The following SDK1 variants were observed in gnomAD, a reference collection of about 807,000 sequenced individuals.
SDK1 encodes the protein sidekick cell adhesion molecule 1.
Under a neutral mutation model 245.5 loss-of-function variants are expected in SDK1, and 157 were observed. The observed-to-expected ratio is 0.64, with a 90% CI of 0.56 to 0.73. The LOEUF (loss-of-function observed/expected upper bound fraction) is 0.73, where lower values mean the gene tolerates loss of function less well. Among genes scored for constraint, SDK1 ranks in the 30% least tolerant of loss-of-function variants. The probability of loss-of-function intolerance (pLI) is 0.00; values close to 1 mark genes in which losing one functional copy is unlikely to be tolerated. For synonymous variants in SDK1, 1,647 were observed against 1,278.5 expected (o/e 1.29, Z -6.15); for missense variants, 3,583 against 3,002.3 (o/e 1.19, Z -4.52).
intron 22 of SDK1, among the ~76,000 whole-genome samples, chr7:4,080,058 C>T: frequency 6.6e-6 from 1 of 152,134 alleles, no homozygotes. Flanking sequence ...TGAGTTTCTG[C>T]TGTCGAGGAG....
intron 19 of SDK1, among the ~76,000 whole-genome samples, chr7:4,060,331 AC>A (rs1459812552): frequency 6.6e-6 from 1 of 152,230 alleles, no homozygotes. Flanking sequence ...TCAAGGACAA[AC>A]CAAACCCAAA....
At chr7:4,082,928 C>A (rs767033460) in intron 22 of SDK1, among the ~76,000 whole-genome samples, 9 of 152,112 alleles carry the variant, frequency 5.9e-5, no homozygotes, top group African/African-American at 1.2e-4. Flanking sequence ...GCAATTTGAA[C>A]ATTTTAATAT....
chr7:4,237,758 A>G lies in SDK1; in HGVS notation c.6104A>G (p.Asn2035Ser), dbSNP rs773652300. 8 of 1,614,150 alleles carry G rather than the reference A, an allele frequency of 5.0e-6. No homozygotes were observed. The Admixed American group carries it at 8.3e-5, about 17-fold the overall frequency. The stretch of plus-strand genomic sequence containing the variant: ...TTCGCCCTCGTCCTGCACGGGCAGA[A>G]TAAGAAGTATAAGAACTGCAGCACA... ...VVFALVLHGQ[N>S]KKYKNCSTGK... Residue 2035 changes from asparagine to serine, a missense_variant, in exon 42 of 45, where the codon AAT becomes AGT. Transcript: ENST00000404826.
intron 28 of SDK1, 30 bp from the exon 29 acceptor site, chr7:4,145,692 G>A: frequency 6.4e-7 from 1 of 1,574,144 alleles, no homozygotes; most frequent in Admixed American, 1.8e-5. Flanking sequence ...GACTGGCTCA[G>A]CAGCTGTCTC....
intron 28 of SDK1, among the ~76,000 whole-genome samples, chr7:4,145,170 G>T (rs1779874574): frequency 6.6e-6 from 1 of 152,190 alleles, no homozygotes; most frequent in Non-Finnish European, 1.5e-5. Flanking sequence ...GGGAGGGGTG[G>T]GGCCAAAGAA....
intron 4 of SDK1, among the ~76,000 whole-genome samples, chr7:3,786,039 G>C (rs544058093): frequency 1.1e-4 from 16 of 152,288 alleles, no homozygotes; most frequent in Non-Finnish European, 1.9e-4. Context: ...TAACACAAAT[G>C]TGGTCTCTTT....
At position 4,020,437 on chromosome 7, in the gene SDK1, C is replaced by T. The variant is rs559537096; in HGVS notation, c.2602+3085C>T. Among the ~76,000 whole-genome samples the T allele has an allele frequency of 3.3e-5, 5 of 152,314 alleles. No homozygotes were observed. The South Asian group carries it at 8.3e-4, about 25-fold the overall frequency. On this transcript the variant is annotated intron_variant, in intron 17 of 44. Coordinates refer to ENST00000404826, the MANE Select transcript of SDK1 (RefSeq NM_152744.4). ...GCGTATGAATTCTGTCCTGAATCCACGTTCCCCTCTGTGACAGTACATTGC... is the reference window on the plus strand; with the variant it reads ...GCGTATGAATTCTGTCCTGAATCCATGTTCCCCTCTGTGACAGTACATTGC...
chr7:3,810,287 A>G (rs1001594679), intron 4 of SDK1, among the ~76,000 whole-genome samples: 2 of 152,068 alleles, frequency 1.3e-5, no homozygotes, highest in Admixed American at 6.5e-5. Context: ...CTGTTTAAGG[A>G]TCTAAAGACT....
chr7:4,011,289 A>G (rs899639249), intron 15 of SDK1, among the ~76,000 whole-genome samples, 176 bp downstream of exon 15: 4 of 152,244 alleles, frequency 2.6e-5, no homozygotes, highest in Admixed American at 1.3e-4. Context: ...AGGCCCACGC[A>G]GACTTAGCTG....
At chr7:4,015,364 A>G (rs537597597) in intron 16 of SDK1, among the ~76,000 whole-genome samples, 5 of 152,330 alleles carry the variant, frequency 3.3e-5, no homozygotes, top group African/African-American at 1.2e-4. Flanking sequence ...TAGTGATTAC[A>G]GATGGTGCTT....
intron 29 of SDK1, 62 bp from the exon 30 acceptor site, chr7:4,149,200 G>T: frequency 7.3e-7 from 1 of 1,361,776 alleles, no homozygotes; most frequent in Non-Finnish European, 9.7e-7. Context: ...TAGCCTCCTG[G>T]GGATGTTCCT....
At chr7:3,368,486 A>G (rs1781145245) in intron 1 of SDK1, among the ~76,000 whole-genome samples, 1 of 152,128 alleles carries the variant, frequency 6.6e-6, no homozygotes, top group Admixed American at 6.5e-5. Context: ...ATCAGTATGG[A>G]GTAGGGGGAT....
At chr7:3,744,393 G>T (rs1438967914) in intron 4 of SDK1, among the ~76,000 whole-genome samples, 1 of 151,914 alleles carries the variant, frequency 6.6e-6, no homozygotes, top group African/African-American at 2.4e-5. Context: ...ATCATTTTGG[G>T]CACAGACTTC....
At chr7:3,581,280 G>T (rs1780479394) in intron 1 of SDK1, among the ~76,000 whole-genome samples, 1 of 152,164 alleles carries the variant, frequency 6.6e-6, no homozygotes, top group Non-Finnish European at 1.5e-5. Flanking sequence ...AATCGAATAT[G>T]ATAAATCAGT....
intron 4 of SDK1, among the ~76,000 whole-genome samples, chr7:3,814,816 A>G (rs1180609873): frequency 6.6e-6 from 1 of 150,644 alleles, no homozygotes; most frequent in African/African-American, 2.4e-5. Flanking sequence ...TTCTCCTTGA[A>G]GAGGTCCTTC....
At chr7:3,562,786 G>A (rs146891071) in intron 1 of SDK1, among the ~76,000 whole-genome samples, 55 of 152,192 alleles carry the variant, frequency 3.6e-4, no homozygotes, top group African/African-American at 8.7e-4. Context: ...TCACTCACAC[G>A]TGAGGATATA....
chr7:3,442,809 T>A (rs1353329245), intron 1 of SDK1, among the ~76,000 whole-genome samples: 2 of 152,246 alleles, frequency 1.3e-5, no homozygotes, highest in African/African-American at 4.8e-5. Context: ...AAATGTAAAC[T>A]GTTGAGTGAA....
intron 1 of SDK1, among the ~76,000 whole-genome samples, chr7:3,501,707 C>T (rs765139416): frequency 1.1e-4 from 16 of 152,068 alleles, no homozygotes; most frequent in Non-Finnish European, 1.5e-5. Context: ...AGTTACTGGT[C>T]CATAATTATC....
intron 44 of SDK1, among the ~76,000 whole-genome samples, chr7:4,249,372 G>T (rs1480418318): frequency 6.6e-6 from 1 of 152,186 alleles, no homozygotes; most frequent in African/African-American, 2.4e-5. Flanking sequence ...GTGGCAAGGG[G>T]CCTGGGAACC....
Sources: gnomAD v4.1 joint callset for allele counts (sites outside exome capture counted in the v4.1 genomes callset) on GRCh38, gnomAD v4.1.1 for gene constraint, MANE v1.5 for transcripts, NCBI Gene and HGNC (gene_info 2026-07-23, HGNC 2026-07-21) for gene names.